MSH4: variants seen among roughly 807,000 people sequenced by gnomAD.
MSH4 encodes the protein mutS homolog 4.
In MSH4, 106 loss-of-function variants were observed where a neutral mutation model predicts 113.7. The ratio of observed to expected loss-of-function variants is 0.93; its 90% CI spans 0.80 to 1.10. The LOEUF (loss-of-function observed/expected upper bound fraction) is 1.10. Ranked by LOEUF, MSH4 falls within the 50% of genes least tolerant of loss-of-function variation. MSH4 has a pLI of 0.00. For missense variants in MSH4, 1,061 were observed against 1,093.7 expected, an observed-to-expected ratio of 0.97 and a Z score of 0.42; for synonymous variants, 368 against 380.2, an observed-to-expected ratio of 0.97 and a Z score of 0.37.
intron 19 of MSH4, among the ~76,000 whole-genome samples, chr1:75,902,681 A>G (rs1445140516): frequency 0.12 from 446 of 3,740 alleles, 20 homozygotes; most frequent in Admixed American, 0.26. Context: ...ATGTATATAT[A>G]TATATATATA....
Position 75,796,932 on chromosome 1 carries a change from T to A in MSH4, c.-54T>A. The A allele has an allele frequency of 6.2e-7, 1 of 1,605,534 alleles. No homozygotes were observed. Among genetic ancestry groups the A allele is most frequent in the East Asian group, 2.2e-5 (1 of 44,738 alleles). ...GGCGCAGCTTCTGTAGTTGGGCTACTGGAGGGGTCGCTCAGAAACCTCATA... is the reference window on the plus strand; with the variant it reads ...GGCGCAGCTTCTGTAGTTGGGCTACAGGAGGGGTCGCTCAGAAACCTCATA... On this transcript the variant is annotated 5_prime_UTR_variant, in exon 1 of 20. Coordinates refer to ENST00000263187, the MANE Select transcript of MSH4 (RefSeq NM_002440.4).
At chr1:75,842,228 T>C (rs1344473844) in intron 7 of MSH4, among the ~76,000 whole-genome samples, 1 of 152,180 alleles carries the variant, frequency 6.6e-6, no homozygotes, top group Non-Finnish European at 1.5e-5. Context: ...CAGGTTAAGA[T>C]AAAGGATTAT....
chr1:75,838,892 A>T (rs1294230297), intron 7 of MSH4, among the ~76,000 whole-genome samples: 2 of 152,178 alleles, frequency 1.3e-5, no homozygotes, highest in Non-Finnish European at 2.9e-5. Flanking sequence ...AGTGTTAGGC[A>T]TCTTTAATAC....
chr1:75,870,585 A>G (rs1018965710), intron 9 of MSH4, among the ~76,000 whole-genome samples: 1 of 152,122 alleles, frequency 6.6e-6, no homozygotes, highest in Non-Finnish European at 1.5e-5. Flanking sequence ...GTCTCACGAG[A>G]TCTGATGGTT....
At chr1:75,803,322 G>A (rs917088692) in intron 1 of MSH4, among the ~76,000 whole-genome samples, 2 of 151,978 alleles carry the variant, frequency 1.3e-5, no homozygotes, top group Non-Finnish European at 2.9e-5. Context: ...AAATTTTATA[G>A]AAAGTGAACA....
At chr1:75,798,682 G>A (rs1387571791) in intron 1 of MSH4, among the ~76,000 whole-genome samples, 3 of 150,178 alleles carry the variant, frequency 2.0e-5, no homozygotes, top group South Asian at 2.1e-4. Context: ...TCAGCCTCCC[G>A]AGTAGCTGGG....
intron 7 of MSH4, among the ~76,000 whole-genome samples, chr1:75,846,381 G>C (rs973896503): frequency 6.6e-6 from 1 of 152,156 alleles, no homozygotes; most frequent in African/African-American, 2.4e-5. Context: ...CATCTTTAAA[G>C]TATTTCTCCC....
At chr1:75,910,214 A>G (rs1419414352) in intron 19 of MSH4, among the ~76,000 whole-genome samples, 1 of 151,946 alleles carries the variant, frequency 6.6e-6, no homozygotes, top group East Asian at 1.9e-4. Context: ...ACTCTCCCCA[A>G]AGTTTTCTCT....
intron 7 of MSH4, among the ~76,000 whole-genome samples, chr1:75,834,565 T>C (rs1473188219): frequency 6.6e-6 from 1 of 152,136 alleles, no homozygotes; most frequent in Non-Finnish European, 1.5e-5. Flanking sequence ...ATTAAGAAAA[T>C]GTAGCGCATA....
At chr1:75,844,574 C>T (rs997794902) in intron 7 of MSH4, among the ~76,000 whole-genome samples, 2 of 152,116 alleles carry the variant, frequency 1.3e-5, no homozygotes, top group Non-Finnish European at 2.9e-5. Context: ...TGATCTCCTG[C>T]CTTGGCCTCC....
rs980007605 is a variant in MSH4 at position 75,888,606 on chromosome 1, TTTC to T, written c.2108-642_2108-640del. Among the ~76,000 whole-genome samples, 10 of 26,432 alleles carry T rather than the reference TTTC, an allele frequency of 3.8e-4. 1 individual carries two copies. The highest frequency in any genetic ancestry group is 0.023 in the South Asian group (2 of 86). The allele number at this position is 26,432 out of a possible 152,430, so 17.3% of individuals were successfully genotyped here. A position where few individuals can be genotyped will look rare whatever the true frequency, so the allele number is the denominator to read the frequency against. ...TAGGCATTTTCTTCAGATTTTCATA[TTTC>T]TTTTTTTAATTTATTTTATTTTTGA... is the stretch of plus-strand genomic sequence containing the variant. On this transcript the variant is annotated intron_variant, in intron 15 of 19. Coordinates refer to ENST00000263187, the MANE Select transcript of MSH4 (RefSeq NM_002440.4).
At chr1:75,817,246 A>G (rs941486207) in intron 6 of MSH4, among the ~76,000 whole-genome samples, 1 of 152,224 alleles carries the variant, frequency 6.6e-6, no homozygotes, top group African/African-American at 2.4e-5. Context: ...CATTTTCACA[A>G]AGAAGGTAAA....
intron 19 of MSH4, among the ~76,000 whole-genome samples, chr1:75,906,350 G>C: frequency 7.3e-6 from 1 of 136,292 alleles, no homozygotes; most frequent in Admixed American, 8.2e-5. Flanking sequence ...TTGTTATCTG[G>C]TTGTTTTGTA....
intron 6 of MSH4, among the ~76,000 whole-genome samples, chr1:75,817,447 CAA>C (rs1216580068): frequency 2.0e-5 from 3 of 152,280 alleles, no homozygotes; most frequent in African/African-American, 7.2e-5. Flanking sequence ...GTAGTTATTA[CAA>C]AGTGTTTTAT....
intron 1 of MSH4, among the ~76,000 whole-genome samples, chr1:75,799,274 G>A (rs1649884881): frequency 6.6e-6 from 1 of 151,640 alleles, no homozygotes; most frequent in African/African-American, 2.4e-5. Flanking sequence ...ATTTTGCAGA[G>A]TAGATTTTTT....
chr1:75,870,825 G>T (rs1309558232), intron 9 of MSH4, among the ~76,000 whole-genome samples: 2 of 152,094 alleles, frequency 1.3e-5, no homozygotes, highest in African/African-American at 4.8e-5. Context: ...TGTGGCAAAA[G>T]ACTTCAAAAA....
At chr1:75,877,458 A>G (rs1009095595) in intron 10 of MSH4, among the ~76,000 whole-genome samples, 1 of 152,170 alleles carries the variant, frequency 6.6e-6, no homozygotes, top group East Asian at 1.9e-4. Context: ...TTCAATCCAG[A>G]CCTTGGTTCT....
intron 7 of MSH4, among the ~76,000 whole-genome samples, chr1:75,826,615 T>C (rs2100525556): frequency 6.6e-6 from 1 of 152,346 alleles, no homozygotes; most frequent in South Asian, 2.1e-4. Context: ...TAAATTTCCC[T>C]CTTAACCCTG....
chr1:75,883,584 A>G, intron 14 of MSH4, 37 bp from the exon 15 acceptor site: 6 of 1,521,078 alleles, frequency 3.9e-6, no homozygotes, highest in Non-Finnish European at 5.4e-6. Flanking sequence ...ACACAAATAT[A>G]TTAATCTTTA....
Sources: allele counts gnomAD v4.1 joint callset (sites outside exome capture counted in the v4.1 genomes callset), GRCh38; gene constraint gnomAD v4.1.1; transcripts MANE v1.5; gene names NCBI Gene and HGNC (gene_info 2026-07-23, HGNC 2026-07-21).